The following ARIH1 variants were observed in gnomAD, a reference collection of about 807,000 sequenced individuals.
The protein encoded by ARIH1 is E3 ubiquitin-protein ligase ARIH1.
A neutral mutation model predicts 85.0 loss-of-function variants in ARIH1; 8 were observed. The observed-to-expected ratio is 0.09, with a 90% CI of 0.06 to 0.17. The LOEUF is 0.17. Ranked by LOEUF, ARIH1 falls within the 10% of genes least tolerant of loss-of-function variation. The pLI, the probability that ARIH1 is intolerant of heterozygous loss-of-function variation, is 1.00. For synonymous variants in ARIH1, 238 were observed against 253.6 expected (o/e 0.94, Z 0.59); for missense variants, 311 against 718.1 (o/e 0.43, Z 6.48).
rs2064384388 is a variant in ARIH1 at position 72,602,242 on chromosome 15, T to C, written c.*18950T>C. On this transcript the variant is annotated 3_prime_UTR_variant, in exon 14 of 14. Coordinates refer to ENST00000379887, the MANE Select transcript of ARIH1 (RefSeq NM_005744.5). ...TGTGCATTTTTAATTTTGGTAGTTA[T>C]TGCCAAACTGCTCTCAATGGAAGTT... 6.6e-6 allele frequency: 1 copy of C among 152,250 alleles called. No individual in the cohort carries two copies. The highest frequency in any genetic ancestry group is 2.4e-5 in the African/African-American group (1 of 41,474). The allele number at this position is 152,250 out of a possible 1,614,324, so 9.4% of individuals were successfully genotyped here.
At chr15:72,507,656 A>C (rs766111903) in intron 1 of ARIH1, among the ~76,000 whole-genome samples, 2 of 152,196 alleles carry the variant, frequency 1.3e-5, no homozygotes, top group Non-Finnish European at 2.9e-5. Context: ...CAACATAGCA[A>C]GATCCTGTCT....
intron 2 of ARIH1, among the ~76,000 whole-genome samples, chr15:72,541,558 A>C (rs1165547389): frequency 6.6e-6 from 1 of 152,234 alleles, no homozygotes; most frequent in African/African-American, 2.4e-5. Context: ...ACTTAACTTG[A>C]AAAAACAAAT....
intron 1 of ARIH1, among the ~76,000 whole-genome samples, chr15:72,486,780 A>G (rs1014673319): frequency 7.6e-6 from 1 of 131,798 alleles, no homozygotes; most frequent in Non-Finnish European, 1.5e-5. Flanking sequence ...TGCAACCTCT[A>G]CCTCCTGGGT....
intron 2 of ARIH1, among the ~76,000 whole-genome samples, chr15:72,530,384 T>C (rs892447665): frequency 1.3e-5 from 2 of 152,166 alleles, no homozygotes; most frequent in Non-Finnish European, 2.9e-5. Context: ...TGTTTGCCCT[T>C]TGTTAGTAGA....
At chr15:72,507,137 C>G (rs1379130751) in intron 1 of ARIH1, among the ~76,000 whole-genome samples, 1 of 152,130 alleles carries the variant, frequency 6.6e-6, no homozygotes, top group South Asian at 2.1e-4. Context: ...TTTCTCTTGC[C>G]TCAGCCTCCC....
intron 5 of ARIH1, among the ~76,000 whole-genome samples, chr15:72,558,954 TG>T (rs1253055466): frequency 6.6e-6 from 1 of 152,238 alleles, no homozygotes; most frequent in African/African-American, 2.4e-5. Context: ...ATCTGACTTT[TG>T]GCCTGATACA....
intron 2 of ARIH1, among the ~76,000 whole-genome samples, chr15:72,538,879 T>A (rs1218414596): frequency 6.6e-6 from 1 of 152,230 alleles, no homozygotes; most frequent in Non-Finnish European, 1.5e-5. Context: ...ATTGACAGAT[T>A]ATTGTCTATA....
At chr15:72,552,174 G>GAA (rs890658123) in intron 3 of ARIH1, among the ~76,000 whole-genome samples, 2 of 150,164 alleles carry the variant, frequency 1.3e-5, no homozygotes, top group East Asian at 3.9e-4. Flanking sequence ...AGTATAGTAG[G>GAA]AAAAAAAAAG....
At position 72,557,808 on chromosome 15, in the gene ARIH1, A is replaced by G. The variant is rs536018393; in HGVS notation, c.737+1901A>G. On this transcript the variant is annotated intron_variant, in intron 5 of 13. Coordinates refer to ENST00000379887, the MANE Select transcript of ARIH1 (RefSeq NM_005744.5). ...AACAACCATTTATGTGTGTGTGGCT[A>G]TTATCGATAGGATTGCATTATTAAT... Among the ~76,000 whole-genome samples the G allele has an allele frequency of 3.1e-4, 47 of 152,160 alleles. 1 individual carries two copies. The East Asian group carries it at 8.3e-3, about 27-fold the overall frequency.
Position 72,594,061 on chromosome 15 carries a change from C to G in ARIH1, c.*10769C>G, listed in dbSNP as rs1487652993. 6.6e-6 allele frequency: 1 copy of G among 152,014 alleles called. No individual in the cohort carries two copies. Among genetic ancestry groups the G allele is most frequent in the Non-Finnish European group, 1.5e-5 (1 of 67,994 alleles). The allele number at this position is 152,014 out of a possible 1,614,324, so 9.4% of individuals were successfully genotyped here. ...TTATTTAGGTATTAAATTTTTTTCT[C>G]AGCAATGTTTTGTAGCTTCCCTTGC... On this transcript the variant is annotated 3_prime_UTR_variant, in exon 14 of 14. Coordinates refer to ENST00000379887, the MANE Select transcript of ARIH1 (RefSeq NM_005744.5).
chr15:72,540,125 G>A (rs1184801912), intron 2 of ARIH1, among the ~76,000 whole-genome samples: 2 of 151,936 alleles, frequency 1.3e-5, no homozygotes, highest in African/African-American at 2.4e-5. Context: ...GGGCGTGGTG[G>A]CAGGCGCCTG....
At position 72,474,873 on chromosome 15, in the gene ARIH1, TGGCGGC is replaced by T. The variant is rs375614248; in HGVS notation, c.252_257del (p.Gly89_Gly90del). 1.1e-4 allele frequency: 149 copies of T among 1,412,912 alleles called. No individual in the cohort carries two copies. The Middle Eastern group carries it at 1.9e-3, about 18-fold the overall frequency. The allele number at this position is 1,412,912 out of a possible 1,614,324, so 87.5% of individuals were successfully genotyped here. A position where few individuals can be genotyped will look rare whatever the true frequency, so the allele number is the denominator to read the frequency against. ...GCGGCAGCGCTCTGGGGCCCGGCGG[TGGCGGC>T]GGCGGCGGCGGCGGCGGTGGTGGTG... On this transcript the variant is annotated inframe_deletion, in exon 1 of 14. Coordinates refer to ENST00000379887, the MANE Select transcript of ARIH1 (RefSeq NM_005744.5).
chr15:72,558,565 G>A (rs2064184779), intron 5 of ARIH1, among the ~76,000 whole-genome samples: 1 of 152,224 alleles, frequency 6.6e-6, no homozygotes, highest in Non-Finnish European at 1.5e-5. Context: ...GCCTTCCAAA[G>A]TGCTAGGATT....
At chr15:72,483,047 T>A (rs1595847992) in intron 1 of ARIH1, among the ~76,000 whole-genome samples, 1 of 152,184 alleles carries the variant, frequency 6.6e-6, no homozygotes, top group African/African-American at 2.4e-5. Flanking sequence ...GAGACCAGTA[T>A]TTTTTTGTTT....
intron 3 of ARIH1, among the ~76,000 whole-genome samples, chr15:72,546,762 G>GT (rs1310997049): frequency 6.6e-6 from 1 of 151,306 alleles, no homozygotes; most frequent in Admixed American, 6.6e-5. Flanking sequence ...GTTTGTTTTG[G>GT]TTTTTTTGTA....
At position 72,513,512 on chromosome 15, in the gene ARIH1, C is replaced by G. The variant is rs568149090; in HGVS notation, c.376-4555C>G. Among the ~76,000 whole-genome samples, 3 of 152,212 alleles carry G rather than the reference C, an allele frequency of 2.0e-5. No individual in the cohort carries two copies. In the East Asian group the frequency reaches 5.8e-4, roughly 29 times the overall value. ...TTATTTCAACAGTTTTATAAGTTTT[C>G]AAGAATTTAAGTGGAGAAAAATAGT... On this transcript the variant is annotated intron_variant, in intron 1 of 13. Transcript: ENST00000379887.
At chr15:72,581,170 C>T (rs927573018) in intron 12 of ARIH1, among the ~76,000 whole-genome samples, 179 bp downstream of exon 12, 2 of 152,052 alleles carry the variant, frequency 1.3e-5, no homozygotes, top group African/African-American at 4.8e-5. Context: ...ATATTCAGAT[C>T]GATGTGGTTT....
intron 7 of ARIH1, among the ~76,000 whole-genome samples, chr15:72,564,812 T>G (rs1410739315): frequency 1.3e-5 from 2 of 152,136 alleles, no homozygotes; most frequent in Non-Finnish European, 2.9e-5. Flanking sequence ...TGCTGGGTCC[T>G]CATATGGTGG....
intron 1 of ARIH1, among the ~76,000 whole-genome samples, chr15:72,491,941 A>G (rs1041394831): frequency 1.3e-5 from 2 of 152,118 alleles, no homozygotes; most frequent in African/African-American, 2.4e-5. Context: ...ACCTTTTTCC[A>G]TCCTGCTGTG....
Sources: allele counts gnomAD v4.1 joint callset (sites outside exome capture counted in the v4.1 genomes callset), GRCh38; gene constraint gnomAD v4.1.1; transcripts MANE v1.5; gene names NCBI Gene and HGNC (gene_info 2026-07-23, HGNC 2026-07-21).